The following THSD4 variants were observed in gnomAD, a reference collection of about 807,000 sequenced individuals.
The protein encoded by THSD4 is thrombospondin type 1 domain containing 4.
In THSD4, 69 loss-of-function variants were observed where a neutral mutation model predicts 119.0. That is an observed-to-expected ratio of 0.58 (90% CI 0.48 to 0.71). THSD4 has a LOEUF of 0.71. Ranked by LOEUF, THSD4 falls within the 30% of genes least tolerant of loss-of-function variation. THSD4 has a pLI of 0.00. For missense variants in THSD4, 1,393 were observed against 1,391.1 expected, an observed-to-expected ratio of 1.00 and a Z score of -0.02; for synonymous variants, 524 against 540.4, an observed-to-expected ratio of 0.97 and a Z score of 0.42.
chr15:71,140,659 C>A (rs1371437987), intron 1 of THSD4, among the ~76,000 whole-genome samples: 1 of 152,202 alleles, frequency 6.6e-6, no homozygotes, highest in African/African-American at 2.4e-5. Flanking sequence ...ATCTTTATAA[C>A]AACCTGCAGG....
chr15:71,187,850 C>T (rs1047583157), intron 3 of THSD4, among the ~76,000 whole-genome samples: 3 of 152,172 alleles, frequency 2.0e-5, no homozygotes, highest in South Asian at 2.1e-4. Flanking sequence ...CCATCAACAG[C>T]GAGTTTGGTT....
rs199993875 is a variant in THSD4 at position 71,737,951 on chromosome 15, G to A, written c.1850G>A (p.Arg617Gln). ...PPAPQPPRRS[R>Q]DHNWKQLGTT... Reference sequence around the variant, plus strand: ...GCACCGCAGCCCCCACGGCGCAGCCGGGATCACAACTGGAAGCAGCTTGGG... The same window carrying A: ...GCACCGCAGCCCCCACGGCGCAGCCAGGATCACAACTGGAAGCAGCTTGGG... The change falls in exon 11 of 18, where the codon CGG (arginine) becomes CAG (glutamine). Residue 617 changes from arginine to glutamine, a missense_variant. Transcript: ENST00000261862. 1.4e-5 allele frequency: 23 copies of A among 1,613,920 alleles called. No individual in the cohort carries two copies. Among genetic ancestry groups the A allele is most frequent in the Middle Eastern group, 1.6e-4 (1 of 6,084 alleles).
At chr15:71,691,336 C>T (rs2052044409) in intron 8 of THSD4, among the ~76,000 whole-genome samples, 1 of 152,186 alleles carries the variant, frequency 6.6e-6, no homozygotes, top group Non-Finnish European at 1.5e-5. Context: ...TGATTTGTTA[C>T]AACAGCAAAT....
chr15:71,587,008 A>T (rs2049683720), intron 7 of THSD4, among the ~76,000 whole-genome samples: 1 of 152,202 alleles, frequency 6.6e-6, no homozygotes, highest in Non-Finnish European at 1.5e-5. Flanking sequence ...TTTCTCTTTT[A>T]AAAACCAAAA....
chr15:71,618,096 A>G (rs1053512812), intron 7 of THSD4, among the ~76,000 whole-genome samples: 7 of 152,322 alleles, frequency 4.6e-5, no homozygotes, highest in Middle Eastern at 3.4e-3. Flanking sequence ...ATCTAAAACC[A>G]AGAAATATCC....
intron 7 of THSD4, among the ~76,000 whole-genome samples, chr15:71,424,969 G>C (rs1401105335): frequency 6.6e-6 from 1 of 152,132 alleles, no homozygotes; most frequent in Non-Finnish European, 1.5e-5. Context: ...CAGGCTTCCA[G>C]ACTTTAATGA....
At chr15:71,772,725 G>A (rs1360029823) in intron 17 of THSD4, among the ~76,000 whole-genome samples, 1 of 152,152 alleles carries the variant, frequency 6.6e-6, no homozygotes, top group African/African-American at 2.4e-5. Flanking sequence ...TTATAATGCA[G>A]AATTCTGAAA....
intron 4 of THSD4, among the ~76,000 whole-genome samples, chr15:71,241,909 A>G (rs2044156612): frequency 1.3e-5 from 2 of 152,060 alleles, no homozygotes. Context: ...TTTTTGCAAT[A>G]TATTTTTTTA....
intron 7 of THSD4, among the ~76,000 whole-genome samples, chr15:71,602,483 G>A (rs2050029252): frequency 7.3e-6 from 1 of 136,630 alleles, no homozygotes. Flanking sequence ...AACCCGGGAG[G>A]CAGAGGTTGC....
intron 3 of THSD4, among the ~76,000 whole-genome samples, chr15:71,181,948 G>A (rs2043533847): frequency 6.6e-6 from 1 of 152,142 alleles, no homozygotes; most frequent in Admixed American, 6.6e-5. Context: ...AAAAAATCTT[G>A]GGTCACAGAT....
chr15:71,293,344 G>A (rs1355089964), intron 6 of THSD4, among the ~76,000 whole-genome samples: 1 of 152,176 alleles, frequency 6.6e-6, no homozygotes, highest in African/African-American at 2.4e-5. Flanking sequence ...TGCCTGTGGA[G>A]GTGGACGTGT....
intron 2 of THSD4, among the ~76,000 whole-genome samples, chr15:71,143,587 C>G (rs948488384): frequency 6.6e-6 from 1 of 151,974 alleles, no homozygotes; most frequent in East Asian, 1.9e-4. Context: ...CTTGAGGACC[C>G]TCAAAAATGT....
intron 7 of THSD4, among the ~76,000 whole-genome samples, chr15:71,648,161 T>C (rs1394942270): frequency 6.6e-6 from 1 of 152,212 alleles, no homozygotes; most frequent in African/African-American, 2.4e-5. Context: ...TCTCAGAGCT[T>C]TGGCAAAATA....
chr15:71,238,140 G>C (rs528791785), intron 4 of THSD4, among the ~76,000 whole-genome samples: 1 of 152,026 alleles, frequency 6.6e-6, no homozygotes, highest in Non-Finnish European at 1.5e-5. Context: ...AATCACACAT[G>C]ATGCTCAATA....
At chr15:71,768,767 A>G (rs1396203578) in intron 16 of THSD4, among the ~76,000 whole-genome samples, 4 of 149,816 alleles carry the variant, frequency 2.7e-5, no homozygotes, top group Admixed American at 1.3e-4. Context: ...GGGTTTCACC[A>G]TGTTAGCCAG....
chr15:71,750,557 C>T (rs929499807), intron 14 of THSD4, among the ~76,000 whole-genome samples: 1 of 152,222 alleles, frequency 6.6e-6, no homozygotes, highest in African/African-American at 2.4e-5. Context: ...CCTAGCGGCT[C>T]ATCTTCTTGT....
chr15:71,454,612 C>T (rs984738605), intron 7 of THSD4, among the ~76,000 whole-genome samples: 5 of 152,346 alleles, frequency 3.3e-5, no homozygotes, highest in East Asian at 1.9e-4. Context: ...ATTATGGCAA[C>T]TTGCAATGAA....
intron 5 of THSD4, among the ~76,000 whole-genome samples, chr15:71,246,186 T>A (rs1231533784): frequency 6.6e-6 from 1 of 152,136 alleles, no homozygotes; most frequent in Non-Finnish European, 1.5e-5. Context: ...GTAGGGTTGA[T>A]GTCAGGTTCA....
At chr15:71,533,821 C>T (rs1444672148) in intron 7 of THSD4, among the ~76,000 whole-genome samples, 1 of 152,092 alleles carries the variant, frequency 6.6e-6, no homozygotes, top group African/African-American at 2.4e-5. Context: ...AAGGGGAGAC[C>T]TACTGATCGG....
Sources: allele counts gnomAD v4.1 joint callset (sites outside exome capture counted in the v4.1 genomes callset), GRCh38; gene constraint gnomAD v4.1.1; transcripts MANE v1.5; gene names NCBI Gene and HGNC (gene_info 2026-07-23, HGNC 2026-07-21).